ADGRV1: variants seen among roughly 807,000 people sequenced by gnomAD.
The protein encoded by ADGRV1 is adhesion G protein-coupled receptor V1, also known as G-protein coupled receptor 98.
In ADGRV1, 359 loss-of-function variants were observed where a neutral mutation model predicts 596.2. The ratio of observed to expected loss-of-function variants is 0.60; its 90% CI spans 0.55 to 0.66. The LOEUF is 0.66. Among genes scored for constraint, ADGRV1 ranks in the 30% least tolerant of loss-of-function variants. The probability of loss-of-function intolerance (pLI) is 0.00; values close to 1 mark genes in which losing one functional copy is unlikely to be tolerated. For missense variants in ADGRV1, 7,274 were observed against 7,575.6 expected, an observed-to-expected ratio of 0.96 and a Z score of 1.48; for synonymous variants, 2,681 against 2,679.2, an observed-to-expected ratio of 1.00 and a Z score of -0.02.
At chr5:90,756,323 T>C in intron 55 of ADGRV1, 131 bp from the exon 56 acceptor site, 1 of 570,584 alleles carries the variant, frequency 1.8e-6, no homozygotes, top group East Asian at 2.8e-5. Flanking sequence ...AGAATCTTTT[T>C]TATGTTTGAC....
chr5:91,039,951 A>G (rs1785205204), intron 85 of ADGRV1, among the ~76,000 whole-genome samples: 1 of 152,180 alleles, frequency 6.6e-6, no homozygotes, highest in South Asian at 2.1e-4. Flanking sequence ...GGAACTCCTC[A>G]GCTAAAGAAA....
chr5:90,970,930 C>G (rs1305665070), intron 84 of ADGRV1, among the ~76,000 whole-genome samples: 1 of 152,016 alleles, frequency 6.6e-6, no homozygotes, highest in East Asian at 1.9e-4. Flanking sequence ...AAGTTTGAAC[C>G]CATCGCAAAG....
At chr5:90,942,119 C>T (rs567315111) in intron 83 of ADGRV1, among the ~76,000 whole-genome samples, 99 of 152,218 alleles carry the variant, frequency 6.5e-4, no homozygotes, top group Admixed American at 2.1e-3. Flanking sequence ...TCTTAGTTGT[C>T]GACTCATTGA....
rs548375312 is a variant in ADGRV1, at chr5:90,976,201, C to G, written c.17974-9143C>G. Among the ~76,000 whole-genome samples the G allele has an allele frequency of 1.8e-3, 238 of 130,856 alleles. 2 individuals carry two copies. Among genetic ancestry groups the G allele is most frequent in the Middle Eastern group, 7.9e-3 (2 of 254 alleles). The allele number at this position is 130,856 out of a possible 152,430, so 85.8% of individuals were successfully genotyped here. A position where few individuals can be genotyped will look rare whatever the true frequency, so the allele number is the denominator to read the frequency against. Reference sequence around the variant, plus strand: ...ATATTTAAATAAGCAGACATGTGTTCTTGTGTGTGAGTGTGTATATATATA... The same window carrying G: ...ATATTTAAATAAGCAGACATGTGTTGTTGTGTGTGAGTGTGTATATATATA... On this transcript the variant is annotated intron_variant, in intron 84 of 89. Coordinates refer to ENST00000405460, the MANE Select transcript of ADGRV1 (RefSeq NM_032119.4).
At chr5:90,824,494 T>G (rs1581241033) in intron 76 of ADGRV1, among the ~76,000 whole-genome samples, 1 of 152,348 alleles carries the variant, frequency 6.6e-6, no homozygotes, top group East Asian at 1.9e-4. Flanking sequence ...TATATTTTCC[T>G]TAAAGCCTGG....
intron 70 of ADGRV1, chr5:90,792,939 C>A (rs1362997508): frequency 6.6e-6 from 1 of 152,160 alleles, no homozygotes; most frequent in Non-Finnish European, 1.5e-5. Context: ...ACGTGCACAT[C>A]TTTGGAATGT....
chr5:90,820,448 A>G (rs541937457), intron 75 of ADGRV1, among the ~76,000 whole-genome samples: 7 of 150,470 alleles, frequency 4.7e-5, no homozygotes, highest in Admixed American at 4.0e-4. Context: ...TGTGAATTTG[A>G]TCCTGTCATT....
chr5:90,657,969 G>C lies in ADGRV1; in HGVS notation c.4443G>C (p.Gln1481His). The change falls in exon 21 of 90, where the codon CAG (glutamine) becomes CAC (histidine). Residue 1481 changes from glutamine (Q) to histidine (H), a missense_variant. Transcript: ENST00000405460. ...ATGACAGATTTACAGGTCTGATGCA[G>C]GATGTGAGGTCCTATGAGCGGAAAC... ...NGNDRFTGLM[Q>H]DVRSYERKLT... is the part of the protein sequence containing the mutation. The C allele has an allele frequency of 6.2e-7, 1 of 1,613,908 alleles. No homozygotes were observed. Among genetic ancestry groups the C allele is most frequent in the Non-Finnish European group, 8.5e-7 (1 of 1,179,824 alleles).
At chr5:90,744,940 A>G (rs1754434355) in intron 50 of ADGRV1, 106 bp from the exon 51 acceptor site, 5 of 741,050 alleles carry the variant, frequency 6.7e-6, no homozygotes, top group Middle Eastern at 2.4e-4. Flanking sequence ...AGAAATCACA[A>G]TGGAACTTTG....
At chr5:90,643,771 A>G in intron 13 of ADGRV1, 32 bp from the exon 14 acceptor site, 2 of 1,500,366 alleles carry the variant, frequency 1.3e-6, no homozygotes, top group East Asian at 2.4e-5. Context: ...AGTCAACTTT[A>G]TAATTTCCAT....
chr5:90,568,923 G>C (rs1756018800), intron 1 of ADGRV1, among the ~76,000 whole-genome samples: 1 of 152,006 alleles, frequency 6.6e-6, no homozygotes, highest in Non-Finnish European at 1.5e-5. Flanking sequence ...CAATATTAAT[G>C]TCTTAGTCCA....
At chr5:90,954,736 T>C (rs908505666) in intron 83 of ADGRV1, among the ~76,000 whole-genome samples, 2 of 152,176 alleles carry the variant, frequency 1.3e-5, no homozygotes, top group African/African-American at 4.8e-5. Flanking sequence ...ACTTGAGACA[T>C]GTAAACAAGT....
chr5:90,595,381 T>A (rs1234320698), intron 1 of ADGRV1, among the ~76,000 whole-genome samples: 2 of 7,042 alleles, frequency 2.8e-4, no homozygotes, highest in Non-Finnish European at 2.8e-4. Flanking sequence ...GCTGGCCGGG[T>A]GGGGGGCTGA....
At chr5:90,663,701 G>T (rs1291667225) in intron 21 of ADGRV1, among the ~76,000 whole-genome samples, 1 of 152,162 alleles carries the variant, frequency 6.6e-6, no homozygotes, top group African/African-American at 2.4e-5. Flanking sequence ...CCTGTGTCCT[G>T]AATGGTAATG....
chr5:90,577,512 T>C (rs995129357), intron 1 of ADGRV1, among the ~76,000 whole-genome samples: 8 of 152,236 alleles, frequency 5.3e-5, no homozygotes, highest in Non-Finnish European at 7.3e-5. Context: ...CTGTTTTGGT[T>C]ACTGTAGCCT....
At chr5:90,679,991 T>C (rs1312954237) in intron 26 of ADGRV1, among the ~76,000 whole-genome samples, 3 of 152,182 alleles carry the variant, frequency 2.0e-5, no homozygotes, top group African/African-American at 7.2e-5. Flanking sequence ...AAGAGGTCAA[T>C]AGAAAATTTG....
At chr5:90,638,075 C>T (rs1766465808) in intron 11 of ADGRV1, 127 bp downstream of exon 11, 2 of 632,996 alleles carry the variant, frequency 3.2e-6, no homozygotes, top group Admixed American at 6.1e-5. Flanking sequence ...TAGTGTTATA[C>T]TGGCCTTCAG....
At chr5:91,157,883 A>G (rs546402327) in intron 89 of ADGRV1, among the ~76,000 whole-genome samples, 10 of 152,334 alleles carry the variant, frequency 6.6e-5, no homozygotes, top group Middle Eastern at 3.4e-3. Flanking sequence ...AGTTAAAGGA[A>G]TCCCAGCCTG....
At chr5:90,772,997 G>A (rs182087809) in intron 59 of ADGRV1, among the ~76,000 whole-genome samples, 110 of 152,056 alleles carry the variant, frequency 7.2e-4, no homozygotes, top group African/African-American at 1.9e-3. Context: ...GCAAACCCCC[G>A]TCTCTACTAA....
Sources: allele counts gnomAD v4.1 joint callset (sites outside exome capture counted in the v4.1 genomes callset), GRCh38; gene constraint gnomAD v4.1.1; transcripts MANE v1.5; gene names NCBI Gene and HGNC (gene_info 2026-07-23, HGNC 2026-07-21).